Variants in NTNG2 observed in about 807,000 individuals in gnomAD.
The protein encoded by NTNG2 is netrin-G2.
Under a neutral mutation model 47.6 loss-of-function variants are expected in NTNG2, and 15 were observed. The observed-to-expected ratio is 0.32, with a 90% CI of 0.21 to 0.49. The LOEUF (loss-of-function observed/expected upper bound fraction) is 0.49, where lower values mean the gene tolerates loss of function less well. Ranked by LOEUF, NTNG2 falls within the 20% of genes least tolerant of loss-of-function variation. The pLI, the probability that NTNG2 is intolerant of heterozygous loss-of-function variation, is 0.99. For synonymous variants in NTNG2, 307 were observed against 324.6 expected (o/e 0.95, Z 0.58); for missense variants, 578 against 764.6 (o/e 0.76, Z 2.88).
intron 4 of NTNG2, among the ~76,000 whole-genome samples, chr9:132,227,993 C>T (rs773964839): frequency 5.9e-5 from 9 of 152,202 alleles, no homozygotes; most frequent in Non-Finnish European, 8.8e-5. Context: ...CACACAGCCC[C>T]GCAGGGTGGA....
At chr9:132,222,172 C>A (rs1840397012) in intron 3 of NTNG2, among the ~76,000 whole-genome samples, 1 of 152,152 alleles carries the variant, frequency 6.6e-6, no homozygotes, top group Non-Finnish European at 1.5e-5. Context: ...GTATTATGAC[C>A]CTCAGTGGAG....
chr9:132,231,358 C>G lies in NTNG2; in HGVS notation c.1054+763C>G. 2 of 456,004 alleles carry G rather than the reference C, an allele frequency of 4.4e-6. No homozygotes were observed. Among genetic ancestry groups the G allele is most frequent in the Non-Finnish European group, 8.8e-6 (2 of 226,650 alleles). 28.2% of individuals were successfully genotyped at this position (456,004 alleles called of 1,614,324 possible). On this transcript the variant is annotated intron_variant, in intron 5 of 7. Transcript: ENST00000393229. The surrounding 1 kb of genome is among the most constrained non-coding windows in gnomAD (Gnocchi z 4.1). ...CTGCGAGGCAGCAGGAGAGGACTGG[C>G]CAATGTCAAAGAGCCAGCCGGGAGC...
chr9:132,226,203 C>T lies in NTNG2; in HGVS notation c.858-646C>T, dbSNP rs1840744103. On this transcript the variant is annotated intron_variant, in intron 3 of 7. Coordinates refer to ENST00000393229, the MANE Select transcript of NTNG2 (RefSeq NM_032536.4). This position sits in a 1 kb window ranked among gnomAD's most constrained non-coding sequence, Gnocchi z 4.8. ...CGAGGTACAGTTTATATAGGACAGG[C>T]AGGATAAATGCTTGATTCTTTCCCT... is the stretch of plus-strand genomic sequence containing the variant. 6.6e-6 allele frequency among the ~76,000 whole-genome samples: 1 copy of T among 152,216 alleles called. No homozygotes were observed. The highest frequency in any genetic ancestry group is 1.5e-5 in the Non-Finnish European group (1 of 68,038).
At chr9:132,185,722 TA>T (rs968924992) in intron 2 of NTNG2, among the ~76,000 whole-genome samples, 3 of 152,124 alleles carry the variant, frequency 2.0e-5, no homozygotes, top group African/African-American at 7.2e-5. Context: ...ATTTACTTTT[TA>T]AAAAAGTATG....
At chr9:132,225,319 G>A (rs1840675919) in intron 3 of NTNG2, among the ~76,000 whole-genome samples, 1 of 151,996 alleles carries the variant, frequency 6.6e-6, no homozygotes, top group African/African-American at 2.4e-5. Flanking sequence ...CTCCCAGGCT[G>A]GAGTGCAGTG....
At chr9:132,228,365 C>A (rs1003351434) in intron 4 of NTNG2, among the ~76,000 whole-genome samples, 1 of 152,232 alleles carries the variant, frequency 6.6e-6, no homozygotes, top group African/African-American at 2.4e-5. Flanking sequence ...CGGGGGCTGA[C>A]AGCCCACTCC....
chr9:132,178,851 G>A (rs1005313199), intron 2 of NTNG2, among the ~76,000 whole-genome samples: 6 of 151,292 alleles, frequency 4.0e-5, no homozygotes, highest in African/African-American at 1.5e-4. Flanking sequence ...AGCTACTCGG[G>A]AGACTGAGGC....
chr9:132,223,700 C>T (rs563554454), intron 3 of NTNG2, among the ~76,000 whole-genome samples: 12 of 152,288 alleles, frequency 7.9e-5, no homozygotes, highest in Admixed American at 3.9e-4. Context: ...ACACCCCAGG[C>T]GGGACGGGTG....
rs1841235303 is a variant in NTNG2, at chr9:132,231,633, C to T, written c.1054+1038C>T. 7.1e-6 allele frequency: 2 copies of T among 281,360 alleles called. No individual in the cohort carries two copies. The highest frequency in any genetic ancestry group is 5.1e-5 in the Admixed American group (1 of 19,688). 17.4% of individuals were successfully genotyped at this position (281,360 alleles called of 1,614,324 possible). A position where few individuals can be genotyped will look rare whatever the true frequency, so the allele number is the denominator to read the frequency against. On this transcript the variant is annotated intron_variant, in intron 5 of 7. Coordinates refer to ENST00000393229, the MANE Select transcript of NTNG2 (RefSeq NM_032536.4). This position sits in a 1 kb window ranked among gnomAD's most constrained non-coding sequence, Gnocchi z 4.1. Reference sequence around the variant, plus strand: ...CCCAACCCTCTCTTGCTTTTCCCATCTCTCACCAGGCATCAGCAGGTCCCA... The same window carrying T: ...CCCAACCCTCTCTTGCTTTTCCCATTTCTCACCAGGCATCAGCAGGTCCCA...
chr9:132,223,687 C>T (rs545275441), intron 3 of NTNG2, among the ~76,000 whole-genome samples: 12 of 152,238 alleles, frequency 7.9e-5, no homozygotes, highest in Non-Finnish European at 1.0e-4. Flanking sequence ...AAAAAGATGC[C>T]GCACACCCCA....
rs1353475483 is a variant in NTNG2, at chr9:132,226,717, G to A, written c.858-132G>A. 3 of 679,626 alleles carry A rather than the reference G, an allele frequency of 4.4e-6. No individual in the cohort carries two copies. The highest frequency in any genetic ancestry group is 7.0e-6 in the Non-Finnish European group (3 of 431,086). The allele number at this position is 679,626 out of a possible 1,614,324, so 42.1% of individuals were successfully genotyped here. A position where few individuals can be genotyped will look rare whatever the true frequency, so the allele number is the denominator to read the frequency against. Reference sequence around the variant, plus strand: ...TTTCTGGCCTAAAGGTTGGGCTGGTGGCCTCCAGGGTTTCTTCCTGGGCAG... The same window carrying A: ...TTTCTGGCCTAAAGGTTGGGCTGGTAGCCTCCAGGGTTTCTTCCTGGGCAG... On this transcript the variant is annotated intron_variant, in intron 3 of 7. Transcript: ENST00000393229. This position sits in a 1 kb window ranked among gnomAD's most constrained non-coding sequence, Gnocchi z 4.8.
chr9:132,238,988 C>G (rs1421951452), intron 5 of NTNG2, 116 bp from the exon 6 acceptor site: 2 of 1,100,742 alleles, frequency 1.8e-6, no homozygotes, highest in Non-Finnish European at 2.7e-6. Flanking sequence ...GGTACCTTTT[C>G]CAAAGATGCC....
chr9:132,231,184 G>A lies in NTNG2; in HGVS notation c.1054+589G>A. 1 of 401,574 alleles carries A rather than the reference G, an allele frequency of 2.5e-6. No homozygotes were observed. The highest frequency in any genetic ancestry group is 5.0e-6 in the Non-Finnish European group (1 of 199,198). 24.9% of individuals were successfully genotyped at this position (401,574 alleles called of 1,614,324 possible). A position where few individuals can be genotyped will look rare whatever the true frequency, so the allele number is the denominator to read the frequency against. On this transcript the variant is annotated intron_variant, in intron 5 of 7. Coordinates refer to ENST00000393229, the MANE Select transcript of NTNG2 (RefSeq NM_032536.4). The surrounding 1 kb of genome is among the most constrained non-coding windows in gnomAD (Gnocchi z 4.1). The stretch of plus-strand genomic sequence containing the variant: ...GGCATCTGCAGGAGGTGGGGGTCCT[G>A]AGAGTTCCCCAGGAGGGCGAGGGCG...
At chr9:132,209,930 G>A (rs888623112) in intron 3 of NTNG2, among the ~76,000 whole-genome samples, 3 of 151,602 alleles carry the variant, frequency 2.0e-5, no homozygotes, top group Non-Finnish European at 4.4e-5. Context: ...CGGGAGGGAC[G>A]CTGGGGACAG....
chr9:132,223,199 C>T (rs1389519974), intron 3 of NTNG2, among the ~76,000 whole-genome samples: 1 of 152,212 alleles, frequency 6.6e-6, no homozygotes, highest in Non-Finnish European at 1.5e-5. Flanking sequence ...GAGAAGACCC[C>T]AAGGAGGAAG....
chr9:132,165,446 C>T (rs1835444805), intron 1 of NTNG2, among the ~76,000 whole-genome samples: 1 of 152,198 alleles, frequency 6.6e-6, no homozygotes, highest in Non-Finnish European at 1.5e-5. Context: ...AATCTGAACT[C>T]ACAAAGCATT....
At position 132,197,831 on chromosome 9, in the gene NTNG2, G is replaced by T; in HGVS notation, c.214-135G>T. On this transcript the variant is annotated intron_variant, in intron 2 of 7. Coordinates refer to ENST00000393229, the MANE Select transcript of NTNG2 (RefSeq NM_032536.4). The surrounding 1 kb of genome is among the most constrained non-coding windows in gnomAD (Gnocchi z 4.3). Reference sequence around the variant, plus strand: ...GGGCACAAATCTCCCAGCTGTGTCTGGGCACCGGAGCACAGGCCCTGTAGC... The same window carrying T: ...GGGCACAAATCTCCCAGCTGTGTCTTGGCACCGGAGCACAGGCCCTGTAGC... The T allele has an allele frequency of 2.6e-6, 2 of 776,586 alleles. No individual in the cohort carries two copies. The highest frequency in any genetic ancestry group is 3.7e-5 in the South Asian group (2 of 54,344). 48.1% of individuals were successfully genotyped at this position (776,586 alleles called of 1,614,324 possible).
rs905600758 is a variant in NTNG2, at chr9:132,236,408, C to A, written c.1055-2696C>A. Among the ~76,000 whole-genome samples the A allele has an allele frequency of 1.3e-5, 2 of 152,348 alleles. No homozygotes were observed. Among genetic ancestry groups the A allele is most frequent in the African/African-American group, 4.8e-5 (2 of 41,580 alleles). ...AGGAAACGCGCAGGCCTGCCCGACTCTCCAGAAGGGAAATTGTCCCTGGCC... is the reference window on the plus strand; with the variant it reads ...AGGAAACGCGCAGGCCTGCCCGACTATCCAGAAGGGAAATTGTCCCTGGCC... On this transcript the variant is annotated intron_variant, in intron 5 of 7. Coordinates refer to ENST00000393229, the MANE Select transcript of NTNG2 (RefSeq NM_032536.4). The surrounding 1 kb of genome is among the most constrained non-coding windows in gnomAD (Gnocchi z 4.3).
At position 132,182,628 on chromosome 9, in the gene NTNG2, C is replaced by T. The variant is rs1485008162; in HGVS notation, c.214-15338C>T. ...ATGCCCAGGACCTTCCCCCAAGGGG[C>T]TCAGGCATCAGCTGAGAACTGCAGC... On this transcript the variant is annotated intron_variant, in intron 2 of 7. Transcript: ENST00000393229. This position sits in a 1 kb window ranked among gnomAD's most constrained non-coding sequence, Gnocchi z 4.2. Among the ~76,000 whole-genome samples, 1 of 152,232 alleles carries T rather than the reference C, an allele frequency of 6.6e-6. No individual in the cohort carries two copies. Among genetic ancestry groups the T allele is most frequent in the Non-Finnish European group, 1.5e-5 (1 of 68,032 alleles).
Sources: gnomAD v4.1 joint callset for allele counts (sites outside exome capture counted in the v4.1 genomes callset) on GRCh38, gnomAD v4.1.1 for gene constraint, Gnocchi (gnomAD v3.1) non-coding constraint, MANE v1.5 for transcripts, NCBI Gene and HGNC (gene_info 2026-07-23, HGNC 2026-07-21) for gene names.